The following SH3BP5 variants were observed in gnomAD, a reference collection of about 807,000 sequenced individuals.
The protein encoded by SH3BP5 is SH3 domain binding protein 5, also known as SH3 domain-binding protein 5.
In SH3BP5, 22 loss-of-function variants were observed where a neutral mutation model predicts 43.3. The ratio of observed to expected loss-of-function variants is 0.51; its 90% CI spans 0.36 to 0.73. SH3BP5 has a LOEUF of 0.73. Ranked by LOEUF, SH3BP5 falls within the 30% of genes least tolerant of loss-of-function variation. SH3BP5 has a pLI of 0.00. For synonymous variants in SH3BP5, 255 were observed against 225.8 expected (o/e 1.13, Z -1.16); for missense variants, 529 against 586.9 (o/e 0.90, Z 1.02).
chr3:15,280,667 C>T lies in SH3BP5; in HGVS notation c.331-10790G>A, dbSNP rs140963644. On this transcript the variant is annotated intron_variant, in intron 3 of 8. Coordinates refer to ENST00000383791, the MANE Select transcript of SH3BP5 (RefSeq NM_004844.5). ...ACTCTCTCTGTCCCCAAAACACACA[C>T]GCAACATGCCCCACCTCTTAATTCT... 7.0e-4 allele frequency among the ~76,000 whole-genome samples: 106 copies of T among 152,290 alleles called. 1 individual carries two copies. Among genetic ancestry groups the T allele is most frequent in the African/African-American group, 2.4e-3 (98 of 41,556 alleles).
Position 15,256,240 on chromosome 3 carries a change from C to G in SH3BP5, c.1214G>C (p.Ser405Thr), listed in dbSNP as rs762777661. The G allele has an allele frequency of 6.2e-7, 1 of 1,614,244 alleles. No homozygotes were observed. The highest frequency in any genetic ancestry group is 1.1e-5 in the South Asian group (1 of 91,088). Residue 405 changes from serine (S) to threonine (T), a missense_variant, in exon 9 of 9, where the codon AGC (serine) becomes ACC (threonine). Physicochemically the swap from Ser to Thr is moderately conservative, Grantham distance 58. This residue lies in a region of SH3BP5 where 369 missense variants were observed against 384.3 expected (regional missense o/e 0.96). Coordinates refer to ENST00000383791, the MANE Select transcript of SH3BP5 (RefSeq NM_004844.5). ...GCTGCCACCACTGCCACTGCTACTG[C>G]TGAGGCCCCGGTTGTTGTTGGCTTT... is the stretch of plus-strand genomic sequence containing the variant. ...SDKANNNRGL[S>T]SSSGSGGSSK...
chr3:15,255,942 T>TA lies in SH3BP5; in HGVS notation c.*143dup. ...AGCTCTTACCCAGAAGAACAATCTT[T>TA]AGCCCTCAAGGTCACTGAAACTTCA... is the stretch of plus-strand genomic sequence containing the variant. On this transcript the variant is annotated 3_prime_UTR_variant, in exon 9 of 9. Coordinates refer to ENST00000383791, the MANE Select transcript of SH3BP5 (RefSeq NM_004844.5). The TA allele has an allele frequency of 1.4e-6, 1 of 733,782 alleles. No individual in the cohort carries two copies. Among genetic ancestry groups the TA allele is most frequent in the East Asian group, 2.5e-5 (1 of 40,274 alleles). The allele number at this position is 733,782 out of a possible 1,614,324, so 45.5% of individuals were successfully genotyped here. A position where few individuals can be genotyped will look rare whatever the true frequency, so the allele number is the denominator to read the frequency against.
At chr3:15,292,280 C>T (rs1697433906) in intron 3 of SH3BP5, among the ~76,000 whole-genome samples, 1 of 152,182 alleles carries the variant, frequency 6.6e-6, no homozygotes, top group African/African-American at 2.4e-5. Context: ...AACCACTATG[C>T]TGTGGTGACA....
At chr3:15,269,916 G>T (rs1311983685) in intron 3 of SH3BP5, 39 bp from the exon 4 acceptor site, 2 of 1,475,444 alleles carry the variant, frequency 1.4e-6, no homozygotes, top group Non-Finnish European at 9.1e-7. Flanking sequence ...TCAGAAAATG[G>T]CAGGGGCTCC....
At chr3:15,305,022 G>A (rs1328293433) in intron 2 of SH3BP5, among the ~76,000 whole-genome samples, 1 of 150,324 alleles carries the variant, frequency 6.7e-6, no homozygotes, top group African/African-American at 2.5e-5. Context: ...GGAGGCTGAG[G>A]CAGGACAATC....
Position 15,256,904 on chromosome 3 carries a change from G to A in SH3BP5, c.1099C>T (p.Pro367Ser), listed in dbSNP as rs781757805. 3.1e-6 allele frequency: 5 copies of A among 1,613,874 alleles called. No individual in the cohort carries two copies. The highest frequency in any genetic ancestry group is 3.3e-5 in the Admixed American group (2 of 60,016). Residue 367 changes from proline to serine, a missense_variant, in exon 8 of 9, where the codon CCT becomes TCT. By Grantham distance (74) the Pro-to-Ser change is moderately conservative. Around this residue, in one of 3 missense-constraint regions of SH3BP5, gnomAD observed 369 missense variants for 384.3 expected, o/e 0.96. Transcript: ENST00000383791. ...GAGGCCCCGCTGCATTCACTTCGAGGGCCCAACACTGGGAACATCATCCCA... is the reference window on the plus strand; with the variant it reads ...GAGGCCCCGCTGCATTCACTTCGAGAGCCCAACACTGGGAACATCATCCCA... ...EFGMMFPVLGPRSECSGASSP... is the reference protein window; with the variant it reads ...EFGMMFPVLGSRSECSGASSP...
At chr3:15,256,369 CAA>C (rs1696200298) in intron 8 of SH3BP5, 66 bp from the exon 9 acceptor site, 1 of 1,487,070 alleles carries the variant, frequency 6.7e-7, no homozygotes, top group Non-Finnish European at 9.2e-7. Flanking sequence ...TATAGAAATA[CAA>C]AGATTATCAA....
At chr3:15,280,504 T>C (rs1158163722) in intron 3 of SH3BP5, among the ~76,000 whole-genome samples, 1 of 152,196 alleles carries the variant, frequency 6.6e-6, no homozygotes, top group Non-Finnish European at 1.5e-5. Flanking sequence ...ATTGTTTTAT[T>C]TTCTAGGAGA....
At chr3:15,284,132 G>C (rs1697202153) in intron 3 of SH3BP5, among the ~76,000 whole-genome samples, 1 of 152,122 alleles carries the variant, frequency 6.6e-6, no homozygotes, top group Non-Finnish European at 1.5e-5. Context: ...TGAACCAGCT[G>C]CTCCTCTGGC....
At chr3:15,314,945 C>T (rs1256534218) in intron 2 of SH3BP5, among the ~76,000 whole-genome samples, 1 of 152,056 alleles carries the variant, frequency 6.6e-6, no homozygotes, top group African/African-American at 2.4e-5. Flanking sequence ...TACAAGACTC[C>T]CTCTCTTAGG....
chr3:15,265,906 G>A (rs1696630082), intron 4 of SH3BP5, among the ~76,000 whole-genome samples: 1 of 152,096 alleles, frequency 6.6e-6, no homozygotes, highest in Non-Finnish European at 1.5e-5. Context: ...CTTCCCGCAT[G>A]GGCACCACTG....
chr3:15,268,998 A>C (rs1696721103), intron 4 of SH3BP5, among the ~76,000 whole-genome samples: 1 of 152,096 alleles, frequency 6.6e-6, no homozygotes, highest in Non-Finnish European at 1.5e-5. Context: ...GTGAAAAATA[A>C]ATTTCTATTG....
chr3:15,336,990 C>A (rs116757648), upstream of SH3BP5, among the ~76,000 whole-genome samples: 1 of 151,564 alleles, frequency 6.6e-6, no homozygotes, highest in Non-Finnish European at 1.5e-5. Flanking sequence ...AGTCTTACTA[C>A]TTTTTACCTG....
intron 4 of SH3BP5, among the ~76,000 whole-genome samples, chr3:15,263,545 T>G (rs1199325608): frequency 6.6e-6 from 1 of 152,176 alleles, no homozygotes; most frequent in African/African-American, 2.4e-5. Context: ...ACACAAACAT[T>G]TGTGAGCAGA....
chr3:15,261,532 T>A (rs1696436423), intron 5 of SH3BP5, among the ~76,000 whole-genome samples: 1 of 152,162 alleles, frequency 6.6e-6, no homozygotes. Flanking sequence ...GGGTCTATCT[T>A]TGGCTGTTAA....
rs903236199 is a variant in SH3BP5 at position 15,332,447 on chromosome 3, A to G, written c.-39T>C. The G allele has an allele frequency of 4.0e-6, 6 of 1,500,150 alleles. No homozygotes were observed. The African/African-American group carries it at 7.1e-5, about 18-fold the overall frequency. The allele number at this position is 1,500,150 out of a possible 1,614,324, so 92.9% of individuals were successfully genotyped here. A position where few individuals can be genotyped will look rare whatever the true frequency, so the allele number is the denominator to read the frequency against. On this transcript the variant is annotated 5_prime_UTR_variant, in exon 1 of 9. Coordinates refer to ENST00000383791, the MANE Select transcript of SH3BP5 (RefSeq NM_004844.5). ...ACGCGCGCCGCGCAGTGGGCTCCGG[A>G]GCGCCCCGGGGGTCGCGGCTGCCAC...
rs867164123 is a variant in SH3BP5 at position 15,340,880 on chromosome 3, T to C, written c.-402+343A>G. ...CCAGCCTGGCCAACATGGAGAAACC[T>C]CGTCTTTACTAAAAATACAAAATCA... is the stretch of plus-strand genomic sequence containing the variant. On this transcript the variant is annotated intron_variant, in intron 1 of 8. Transcript: ENST00000408919. Among the ~76,000 whole-genome samples the C allele has an allele frequency of 2.6e-5, 4 of 151,942 alleles. No individual in the cohort carries two copies. The South Asian group carries it at 8.3e-4, about 32-fold the overall frequency.
At chr3:15,291,775 G>T (rs780920390) in intron 3 of SH3BP5, among the ~76,000 whole-genome samples, 9 of 152,302 alleles carry the variant, frequency 5.9e-5, no homozygotes, top group Admixed American at 2.6e-4. Flanking sequence ...GGGAATGTTT[G>T]TAAGTCAGAA....
chr3:15,321,269 C>T (rs1407731533), intron 2 of SH3BP5, among the ~76,000 whole-genome samples: 6 of 152,062 alleles, frequency 3.9e-5, no homozygotes, highest in African/African-American at 1.4e-4. Context: ...ATTGTATTTT[C>T]TAAATAAGCA....
Sources: gnomAD v4.1 joint callset for allele counts (sites outside exome capture counted in the v4.1 genomes callset) on GRCh38, gnomAD v4.1.1 for gene constraint, gnomAD v4.1.1 regional missense constraint, MANE v1.5 for transcripts, NCBI Gene and HGNC (gene_info 2026-07-23, HGNC 2026-07-21) for gene names.